Variants in GCNT2 observed in about 807,000 individuals in gnomAD.
GCNT2 encodes the protein N-acetyllactosaminide beta-1,6-N-acetylglucosaminyl-transferase.
GCNT2 carries 34 observed loss-of-function variants against 34.2 expected under a neutral mutation model. That is an observed-to-expected ratio of 1.00 (90% confidence interval 0.76 to 1.32). The LOEUF is 1.32. GCNT2 is among the 40% of genes most tolerant of loss of function. The probability of loss-of-function intolerance (pLI) is 0.00; values close to 1 mark genes in which losing one functional copy is unlikely to be tolerated. For synonymous variants in GCNT2, 212 were observed against 188.0 expected (o/e 1.13, Z -1.04); for missense variants, 584 against 489.4 (o/e 1.19, Z -1.82).
At chr6:10,594,737 G>A (rs945590609) in intron 3 of GCNT2, among the ~76,000 whole-genome samples, 3 of 152,200 alleles carry the variant, frequency 2.0e-5, no homozygotes, top group Non-Finnish European at 4.4e-5. Context: ...TCTCACTATA[G>A]AAGGATGTCT....
intron 3 of GCNT2, among the ~76,000 whole-genome samples, chr6:10,538,514 A>G (rs1450994320): frequency 1.4e-5 from 2 of 148,036 alleles, no homozygotes; most frequent in African/African-American, 2.5e-5. Context: ...TATACCCATG[A>G]CACCTTAAAT....
At chr6:10,534,141 CTTT>C (rs1224219034) in intron 3 of GCNT2, among the ~76,000 whole-genome samples, 1 of 120,258 alleles carries the variant, frequency 8.3e-6, no homozygotes. Flanking sequence ...CCATGCTGCT[CTTT>C]TTTTTTTTTT....
At chr6:10,618,157 C>T (rs1390558886) in intron 3 of GCNT2, among the ~76,000 whole-genome samples, 2 of 152,170 alleles carry the variant, frequency 1.3e-5, no homozygotes, top group Non-Finnish European at 2.9e-5. Context: ...CCACTTTCTG[C>T]GCCTCAGAAT....
intron 3 of GCNT2, among the ~76,000 whole-genome samples, chr6:10,570,592 C>T (rs112314629): frequency 4.6e-4 from 70 of 152,324 alleles, no homozygotes; most frequent in Non-Finnish European, 8.5e-4. Context: ...TTCTAGCCAT[C>T]TCCTTCCTTA....
At chr6:10,537,356 G>A (rs1581373504) in intron 3 of GCNT2, among the ~76,000 whole-genome samples, 1 of 152,148 alleles carries the variant, frequency 6.6e-6, no homozygotes, top group Non-Finnish European at 1.5e-5. Context: ...GACTTACAGC[G>A]GGGTTACATC....
intron 3 of GCNT2, among the ~76,000 whole-genome samples, chr6:10,605,820 TTGG>T: frequency 6.6e-6 from 1 of 152,158 alleles, no homozygotes; most frequent in Non-Finnish European, 1.5e-5. Flanking sequence ...CTTCCTAAAC[TTGG>T]TGGCTTGAAA....
At chr6:10,546,649 A>C (rs965690849) in intron 3 of GCNT2, among the ~76,000 whole-genome samples, 2 of 151,946 alleles carry the variant, frequency 1.3e-5, no homozygotes, top group Non-Finnish European at 2.9e-5. Context: ...ACAGGGTGAG[A>C]CTCCGTTTAA....
chr6:10,601,526 ACT>A (rs1348405352), intron 3 of GCNT2, among the ~76,000 whole-genome samples: 2 of 151,562 alleles, frequency 1.3e-5, no homozygotes, highest in African/African-American at 4.9e-5. Flanking sequence ...TACAGGAAAA[ACT>A]CTGCTTAGGT....
intron 1 of GCNT2, among the ~76,000 whole-genome samples, chr6:10,524,037 A>G (rs949826942): frequency 6.0e-5 from 9 of 151,166 alleles, no homozygotes; most frequent in Non-Finnish European, 5.9e-5. Flanking sequence ...AGGAAGCCAC[A>G]GTTGGGAGTT....
At chr6:10,569,759 A>G (rs1404593228) in intron 3 of GCNT2, among the ~76,000 whole-genome samples, 1 of 152,136 alleles carries the variant, frequency 6.6e-6, no homozygotes, top group East Asian at 1.9e-4. Flanking sequence ...TTCTCAGTGT[A>G]GTTTTTCCAT....
At chr6:10,622,441 G>A (rs113948275) in intron 4 of GCNT2, among the ~76,000 whole-genome samples, 72 of 151,930 alleles carry the variant, frequency 4.7e-4, no homozygotes, top group African/African-American at 1.6e-3. Context: ...CCCTCTGTGC[G>A]TGTCTGTGTC....
At chr6:10,573,823 C>A (rs991562864) in intron 3 of GCNT2, among the ~76,000 whole-genome samples, 3 of 152,190 alleles carry the variant, frequency 2.0e-5, no homozygotes, top group Non-Finnish European at 2.9e-5. Context: ...AAAGGCAGTT[C>A]CCCCACACTG....
In GCNT2 at chr6:10,531,874, C is replaced by CTTTTT. The variant is rs71548846; in HGVS notation, c.925+2054_925+2058dup. On this transcript the variant is annotated intron_variant, in intron 3 of 4. Transcript: ENST00000495262. Reference sequence around the variant, plus strand: ...AGGGAGGTAAAAAGGCCAATCCCCACTTTTTTTTTTTTTTTTTTTTAGAGA... The same window carrying CTTTTT: ...AGGGAGGTAAAAAGGCCAATCCCCACTTTTTTTTTTTTTTTTTTTTTTTTTAGAGA... Among the ~76,000 whole-genome samples the CTTTTT allele has an allele frequency of 1.4e-4, 18 of 129,562 alleles. 2 individuals are homozygous for CTTTTT. Among genetic ancestry groups the CTTTTT allele is most frequent in the South Asian group, 5.2e-4 (2 of 3,880 alleles). 85.0% of individuals were successfully genotyped at this position (129,562 alleles called of 152,430 possible). A position where few individuals can be genotyped will look rare whatever the true frequency, so the allele number is the denominator to read the frequency against.
Position 10,529,854 on chromosome 6 carries a change from CTTTTAT to C in GCNT2, c.925+24_925+29del, listed in dbSNP as rs1245002606. 6.3e-7 allele frequency: 1 copy of C among 1,596,244 alleles called. No individual in the cohort carries two copies. The highest frequency in any genetic ancestry group is 1.3e-5 in the African/African-American group (1 of 74,670). On this transcript the variant is annotated intron_variant, in intron 3 of 4. Coordinates refer to ENST00000495262, the MANE Select transcript of GCNT2 (RefSeq NM_145649.5). The stretch of plus-strand genomic sequence containing the variant: ...GATTCCCGGTATGTACGTCTCTTAA[CTTTTAT>C]TTTTACGAATAAACACTGCATGGTC...
rs543307917 is a variant in GCNT2, at chr6:10,527,557, C to T, written c.-385C>T. On this transcript the variant is annotated 5_prime_UTR_variant, in exon 2 of 5. Transcript: ENST00000495262. ...TTTCACACCGGGTGCAGCTAACCAC[C>T]ACATCATACAAAACTCGTCGCTGAC... 4 of 152,328 alleles carry T rather than the reference C, an allele frequency of 2.6e-5. No homozygotes were observed. In the East Asian group the frequency reaches 7.7e-4, roughly 29 times the overall value. 9.4% of individuals were successfully genotyped at this position (152,328 alleles called of 1,614,324 possible).
At position 10,621,387 on chromosome 6, in the gene GCNT2, G is replaced by C. The variant is rs770652492; in HGVS notation, c.962G>C (p.Gly321Ala). Residue 321 changes from glycine (G) to alanine (A), a missense_variant, in exon 4 of 5, where the codon GGA (glycine) becomes GCA (alanine). Physicochemically the swap from Gly to Ala is moderately conservative, Grantham distance 60. Coordinates refer to ENST00000495262, the MANE Select transcript of GCNT2 (RefSeq NM_145649.5). ...TCTATGCCAAATGCATCCTGGACTG[G>C]AAACCTCAGAGCTATAAAGTGGAGT... is the stretch of plus-strand genomic sequence containing the variant. ...PGSMPNASWT[G>A]NLRAIKWSDM... The C allele has an allele frequency of 5.6e-6, 9 of 1,613,758 alleles. No individual in the cohort carries two copies. The highest frequency in any genetic ancestry group is 2.7e-5 in the African/African-American group (2 of 75,048).
chr6:10,622,308 T>C (rs7769925), intron 4 of GCNT2, among the ~76,000 whole-genome samples: 14,407 of 152,086 alleles, frequency 0.095, 1,092 homozygotes, highest in African/African-American at 0.21. Flanking sequence ...GGGTGCTTAA[T>C]AGAAATTTAT....
At chr6:10,580,393 C>T (rs1256719165) in intron 3 of GCNT2, among the ~76,000 whole-genome samples, 1 of 152,192 alleles carries the variant, frequency 6.6e-6, no homozygotes, top group Non-Finnish European at 1.5e-5. Context: ...CAGCTTCCCG[C>T]ACTGTGCCTT....
chr6:10,614,644 A>AAAAAAAG lies in GCNT2; in HGVS notation c.926-6706_926-6705insAAAAAGA, dbSNP rs1214651898. 3.6e-3 allele frequency among the ~76,000 whole-genome samples: 519 copies of AAAAAAAG among 143,902 alleles called. 14 individuals are homozygous for AAAAAAAG. The highest frequency in any genetic ancestry group is 0.013 in the African/African-American group (487 of 37,146). 94.4% of individuals were successfully genotyped at this position (143,902 alleles called of 152,430 possible). A position where few individuals can be genotyped will look rare whatever the true frequency, so the allele number is the denominator to read the frequency against. On this transcript the variant is annotated intron_variant, in intron 3 of 4. Transcript: ENST00000495262. ...CTGTCTCAAAAAAAAAAAAAAAAAA[A>AAAAAAAG]AGAGAAAAAGAAGAAAGGTAGAAGA...
Sources: gnomAD v4.1 joint callset for allele counts (sites outside exome capture counted in the v4.1 genomes callset) on GRCh38, gnomAD v4.1.1 for gene constraint, MANE v1.5 for transcripts, NCBI Gene and HGNC (gene_info 2026-07-23, HGNC 2026-07-21) for gene names.